The following CFAP20DC variants were observed in gnomAD, a reference collection of about 807,000 sequenced individuals.
CFAP20DC encodes protein CFAP20DC.
A neutral mutation model predicts 101.7 loss-of-function variants in CFAP20DC; 84 were observed. That is an observed-to-expected ratio of 0.83 (90% confidence interval 0.69 to 0.99). CFAP20DC has a LOEUF of 0.99. Ranked by LOEUF, CFAP20DC falls within the 50% of genes least tolerant of loss-of-function variation. The pLI is 0.00. For missense variants in CFAP20DC, 1,007 were observed against 970.3 expected (o/e 1.04, Z -0.50); for synonymous variants, 359 against 351.2 (o/e 1.02, Z -0.25).
At chr3:58,816,422 C>T (rs1271556629) in intron 14 of CFAP20DC, among the ~76,000 whole-genome samples, 1 of 152,152 alleles carries the variant, frequency 6.6e-6, no homozygotes, top group Non-Finnish European at 1.5e-5. Flanking sequence ...GGGCACAGGC[C>T]AGTGGGTGCG....
At chr3:58,761,773 C>A (rs1265266052) in intron 15 of CFAP20DC, among the ~76,000 whole-genome samples, 1 of 152,050 alleles carries the variant, frequency 6.6e-6, no homozygotes, top group East Asian at 1.9e-4. Flanking sequence ...CATCTTTATT[C>A]CTGCCTTCAT....
intron 15 of CFAP20DC, among the ~76,000 whole-genome samples, chr3:58,805,597 T>A (rs1054727034): frequency 5.9e-5 from 9 of 152,246 alleles, no homozygotes; most frequent in Non-Finnish European, 1.3e-4. Flanking sequence ...TGCGTTTGGA[T>A]AATGAGGTGC....
intron 15 of CFAP20DC, among the ~76,000 whole-genome samples, chr3:58,773,098 A>T (rs1275533204): frequency 6.6e-6 from 1 of 151,854 alleles, no homozygotes; most frequent in Non-Finnish European, 1.5e-5. Flanking sequence ...TCTGAAATAC[A>T]GCTTCAAAAT....
Position 58,728,351 on chromosome 3 carries a change from C to G in CFAP20DC, c.198-10723G>C, listed in dbSNP as rs1226856445. ...TCACGTCCTCATATTAGAGAAATAGCTGGCTAAATGAATAGATTCCTGAAA... is the reference window on the plus strand; with the variant it reads ...TCACGTCCTCATATTAGAGAAATAGGTGGCTAAATGAATAGATTCCTGAAA... On this transcript the variant is annotated intron_variant, in intron 3 of 3. Transcript: ENST00000486145. This position sits in a 1 kb window ranked among gnomAD's most constrained non-coding sequence, Gnocchi z 4.7. Among the ~76,000 whole-genome samples, 1 of 152,226 alleles carries G rather than the reference C, an allele frequency of 6.6e-6. No individual in the cohort carries two copies. Among genetic ancestry groups the G allele is most frequent in the Non-Finnish European group, 1.5e-5 (1 of 68,050 alleles).
rs567920047 is a variant in CFAP20DC, at chr3:58,918,632, AT to A, written c.394-4769del. On this transcript the variant is annotated intron_variant, in intron 5 of 16. Coordinates refer to ENST00000482387, the MANE Select transcript of CFAP20DC (RefSeq NM_001394063.1). ...TTTTAATTATCAAGTCACACAGTCT[AT>A]TTTTTTTTTTAATCTGTTTGGCAAC... Among the ~76,000 whole-genome samples the A allele has an allele frequency of 6.0e-3, 878 of 146,974 alleles. 10 individuals are homozygous for A. The highest frequency in any genetic ancestry group is 0.02 in the African/African-American group (813 of 40,392).
chr3:58,808,906 G>A (rs150503391), intron 14 of CFAP20DC, among the ~76,000 whole-genome samples: 18,086 of 151,824 alleles, frequency 0.12, 1,953 homozygotes, highest in East Asian at 0.35. Context: ...AAAGGCAGGG[G>A]TTGCAATCCT....
At chr3:59,008,874 A>T (rs115963711) in intron 4 of CFAP20DC, among the ~76,000 whole-genome samples, 28,954 of 151,558 alleles carry the variant, frequency 0.19, 2,831 homozygotes, top group African/African-American at 0.21. Flanking sequence ...AATAAAATTT[A>T]AAAAAAAAGT....
At chr3:58,888,046 C>G (rs2081804315) in intron 6 of CFAP20DC, among the ~76,000 whole-genome samples, 1 of 152,196 alleles carries the variant, frequency 6.6e-6, no homozygotes, top group Non-Finnish European at 1.5e-5. Flanking sequence ...AATGGAAATT[C>G]ACTCATCTCC....
At position 58,892,256 on chromosome 3, in the gene CFAP20DC, T is replaced by C. The variant is rs530383358; in HGVS notation, c.551-7547A>G. On this transcript the variant is annotated intron_variant, in intron 6 of 16. Coordinates refer to ENST00000482387, the MANE Select transcript of CFAP20DC (RefSeq NM_001394063.1). The surrounding 1 kb of genome is among the most constrained non-coding windows in gnomAD (Gnocchi z 4.0). ...TGTAGACTTGTAGTATACATTGAAG[T>C]TGGATAGCATGATGCCTCCAGCTTT... 6.6e-6 allele frequency among the ~76,000 whole-genome samples: 1 copy of C among 152,356 alleles called. No homozygotes were observed. The highest frequency in any genetic ancestry group is 1.9e-4 in the East Asian group (1 of 5,188).
intron 15 of CFAP20DC, among the ~76,000 whole-genome samples, chr3:58,773,739 T>A (rs1559570843): frequency 6.6e-6 from 1 of 152,198 alleles, no homozygotes; most frequent in Non-Finnish European, 1.5e-5. Context: ...ATTTAATTTT[T>A]AAAAATACAT....
intron 14 of CFAP20DC, among the ~76,000 whole-genome samples, chr3:58,813,392 A>T (rs1276057532): frequency 6.6e-6 from 1 of 151,944 alleles, no homozygotes; most frequent in African/African-American, 2.4e-5. Context: ...GATTCTAATA[A>T]GAAATCATTT....
chr3:58,956,884 T>C (rs1248377167), intron 4 of CFAP20DC, among the ~76,000 whole-genome samples: 1 of 152,090 alleles, frequency 6.6e-6, no homozygotes, highest in East Asian at 1.9e-4. Context: ...TATAAAACCA[T>C]CATATCTCGT....
intron 15 of CFAP20DC, among the ~76,000 whole-genome samples, chr3:58,766,772 T>A (rs1172460771): frequency 6.6e-6 from 1 of 152,230 alleles, no homozygotes; most frequent in Non-Finnish European, 1.5e-5. Flanking sequence ...CCATGCTCCC[T>A]ACCATCACTG....
chr3:58,777,842 C>T (rs1051637449), intron 15 of CFAP20DC, among the ~76,000 whole-genome samples: 5 of 152,212 alleles, frequency 3.3e-5, no homozygotes, highest in African/African-American at 9.6e-5. Context: ...CTGGAGACTG[C>T]GTGAAGGCAT....
chr3:58,805,689 A>G (rs950458404), intron 15 of CFAP20DC, among the ~76,000 whole-genome samples: 3 of 152,200 alleles, frequency 2.0e-5, no homozygotes, highest in African/African-American at 7.2e-5. Flanking sequence ...AAATACTGAT[A>G]AGGTAATACT....
chr3:59,032,487 A>G lies in CFAP20DC; in HGVS notation c.278+7070T>C, dbSNP rs552471197. Among the ~76,000 whole-genome samples the G allele has an allele frequency of 4.6e-5, 7 of 152,266 alleles. No individual in the cohort carries two copies. The South Asian group carries it at 1.5e-3, about 32-fold the overall frequency. On this transcript the variant is annotated intron_variant, in intron 4 of 16. Coordinates refer to ENST00000482387, the MANE Select transcript of CFAP20DC (RefSeq NM_001394063.1). ...CTGCCAGCACAGCAGTCTAAAGTCA[A>G]TCTGGAACACTCGAGCTTGGTGGGG...
Position 59,001,244 on chromosome 3 carries a change from G to T in CFAP20DC, c.278+38313C>A, listed in dbSNP as rs2093301176. ...TTAATTTCTATACTTTATCCTTGAAGATTCTTTGATACTACTATAAAAATA... is the reference window on the plus strand; with the variant it reads ...TTAATTTCTATACTTTATCCTTGAATATTCTTTGATACTACTATAAAAATA... On this transcript the variant is annotated intron_variant, in intron 4 of 16. Coordinates refer to ENST00000482387, the MANE Select transcript of CFAP20DC (RefSeq NM_001394063.1). The surrounding 1 kb of genome is among the most constrained non-coding windows in gnomAD (Gnocchi z 4.5). Among the ~76,000 whole-genome samples, 1 of 152,120 alleles carries T rather than the reference G, an allele frequency of 6.6e-6. No individual in the cohort carries two copies. The highest frequency in any genetic ancestry group is 1.5e-5 in the Non-Finnish European group (1 of 68,020).
chr3:58,919,032 T>C (rs977829964), intron 5 of CFAP20DC, among the ~76,000 whole-genome samples: 7 of 152,172 alleles, frequency 4.6e-5, no homozygotes, highest in African/African-American at 9.7e-5. Flanking sequence ...TACTCCTGCA[T>C]ACCACCACCC....
intron 4 of CFAP20DC, among the ~76,000 whole-genome samples, chr3:58,989,993 G>T (rs960814123): frequency 6.6e-6 from 1 of 152,118 alleles, no homozygotes; most frequent in African/African-American, 2.4e-5. Context: ...GTAAATGAAA[G>T]TAATTTGTAT....
Sources: allele counts gnomAD v4.1 joint callset (sites outside exome capture counted in the v4.1 genomes callset), GRCh38; gene constraint gnomAD v4.1.1; non-coding constraint Gnocchi (gnomAD v3.1); transcripts MANE v1.5; gene names NCBI Gene and HGNC (gene_info 2026-07-23, HGNC 2026-07-21).